Variants in TYW1B observed in about 807,000 individuals in gnomAD.
The protein encoded by TYW1B is tRNA-yW synthesizing protein 1 homolog B.
TYW1B carries 73 observed loss-of-function variants against 86.9 expected under a neutral mutation model. The ratio of observed to expected loss-of-function variants is 0.84; its 90% CI spans 0.70 to 1.02. TYW1B has a LOEUF of 1.02. Among genes scored for constraint, TYW1B ranks in the 50% least tolerant of loss-of-function variants. The pLI is 0.00. For missense variants in TYW1B, 637 were observed against 827.4 expected, an observed-to-expected ratio of 0.77 and a Z score of 2.82; for synonymous variants, 248 against 292.8, an observed-to-expected ratio of 0.85 and a Z score of 1.56.
intron 6 of TYW1B, among the ~76,000 whole-genome samples, chr7:72,797,490 T>C (rs1554474661): frequency 6.6e-6 from 1 of 152,130 alleles, no homozygotes; most frequent in African/African-American, 2.4e-5. Flanking sequence ...TTCTGATCTG[T>C]GGCCTTTATA....
chr7:72,766,985 A>G (rs1554468567), intron 7 of TYW1B, among the ~76,000 whole-genome samples: 1 of 152,160 alleles, frequency 6.6e-6, no homozygotes, highest in East Asian at 1.9e-4. Context: ...CTTTCTGAAA[A>G]AGATCTTGAT....
chr7:72,631,418 G>A (rs1267079005), intron 11 of TYW1B, among the ~76,000 whole-genome samples: 6 of 152,102 alleles, frequency 3.9e-5, no homozygotes, highest in African/African-American at 1.4e-4. Context: ...GGAAGCTGAG[G>A]CAAGAGAATT....
At chr7:72,664,012 T>A (rs1168014061) in intron 11 of TYW1B, among the ~76,000 whole-genome samples, 1 of 151,992 alleles carries the variant, frequency 6.6e-6, no homozygotes. Flanking sequence ...CTCTTACATC[T>A]TCTTTTCTAC....
At chr7:72,822,197 A>T (rs1407081266) in intron 2 of TYW1B, among the ~76,000 whole-genome samples, 1 of 150,884 alleles carries the variant, frequency 6.6e-6, no homozygotes, top group Non-Finnish European at 1.5e-5. Flanking sequence ...AGAAGAAGAA[A>T]AAAGAAGAAT....
chr7:72,591,933 C>A (rs1406007324), intron 13 of TYW1B, among the ~76,000 whole-genome samples: 2 of 151,862 alleles, frequency 1.3e-5, no homozygotes, highest in Non-Finnish European at 2.9e-5. Context: ...AAGGAATTCT[C>A]GTGCCTCAGC....
chr7:72,715,579 G>C (rs1474437364), intron 9 of TYW1B, among the ~76,000 whole-genome samples: 1 of 151,898 alleles, frequency 6.6e-6, no homozygotes, highest in African/African-American at 2.4e-5. Context: ...CACACACTGG[G>C]GCCTATCAGA....
chr7:72,787,462 C>CA (rs11314409), intron 6 of TYW1B, among the ~76,000 whole-genome samples: 96,750 of 146,084 alleles, frequency 0.66, 32,455 homozygotes, highest in Middle Eastern at 0.75. Context: ...GACTCCATCT[C>CA]AAAAAAAAAA....
At chr7:72,580,290 C>T (rs1468834330) in intron 13 of TYW1B, among the ~76,000 whole-genome samples, 1 of 152,174 alleles carries the variant, frequency 6.6e-6, no homozygotes, top group Non-Finnish European at 1.5e-5. Context: ...AAGAGCAAAA[C>T]TTGGTATGAC....
chr7:72,577,302 G>T (rs1350526058), intron 13 of TYW1B, among the ~76,000 whole-genome samples: 2 of 152,036 alleles, frequency 1.3e-5, no homozygotes, highest in Admixed American at 6.6e-5. Flanking sequence ...AGCTTTCTAG[G>T]GGGAAAATGC....
chr7:72,577,968 T>C lies in TYW1B; in HGVS notation c.1786-2249A>G, dbSNP rs114047134. ...GTTTTCTGGCCACAGGACCTCACTG[T>C]CCTGAACTTCCACAGACACTATAAT... is the stretch of plus-strand genomic sequence containing the variant. On this transcript the variant is annotated intron_variant, in intron 13 of 13. Transcript: ENST00000620995. 6.9e-3 allele frequency among the ~76,000 whole-genome samples: 1,056 copies of C among 152,282 alleles called. 17 individuals are homozygous for C. The highest frequency in any genetic ancestry group is 0.025 in the African/African-American group (1,030 of 41,554).
intron 11 of TYW1B, among the ~76,000 whole-genome samples, chr7:72,688,684 G>A (rs1423403887): frequency 4.6e-5 from 7 of 152,066 alleles, no homozygotes; most frequent in Admixed American, 2.6e-4. Flanking sequence ...ACTACAATCC[G>A]TTGCTAAAGA....
Position 72,682,804 on chromosome 7 carries a change from G to A in TYW1B, c.1506+11883C>T, listed in dbSNP as rs1410515527. 2.9e-4 allele frequency among the ~76,000 whole-genome samples: 44 copies of A among 152,232 alleles called. 1 individual carries two copies. The highest frequency in any genetic ancestry group is 4.6e-4 in the Non-Finnish European group (31 of 68,016). ...AGCAGAAACCTCCACAGAGACCAGC[G>A]CCAACACAGGGAAACTGAACTGTAA... On this transcript the variant is annotated intron_variant, in intron 11 of 13. Coordinates refer to ENST00000620995, the MANE Select transcript of TYW1B (RefSeq NM_001145440.3).
Position 72,779,173 on chromosome 7 carries a change from AGCCCCCAGGTGAAT to A in TYW1B, c.847-1654_847-1641del, listed in dbSNP as rs1554471205. ...GTCTATTTTAAATGTCCAGCCATCC[AGCCCCCAGGTGAAT>A]AAGTGAATGGACTCACTGTAACACC... On this transcript the variant is annotated intron_variant, in intron 6 of 13. Coordinates refer to ENST00000620995, the MANE Select transcript of TYW1B (RefSeq NM_001145440.3). Among the ~76,000 whole-genome samples the A allele has an allele frequency of 2.6e-5, 4 of 152,214 alleles. No individual in the cohort carries two copies. In the East Asian group the frequency reaches 7.7e-4, roughly 29 times the overall value.
chr7:72,815,475 CA>C lies in TYW1B; in HGVS notation c.141del (p.Phe47LeufsTer21). On this transcript the variant is annotated frameshift_variant, in exon 3 of 14. Coordinates refer to ENST00000620995, the MANE Select transcript of TYW1B (RefSeq NM_001145440.3). LOFTEE classifies it high-confidence loss of function. ...CVQIVIEMQG[F>X]ATVLAEAVTS... ...GTAACTGCTTCAGCAAGAACTGTTGCAAATCCCTAATAGGACAAAAAAAAAC... is the reference window on the plus strand; with the variant it reads ...GTAACTGCTTCAGCAAGAACTGTTGCAATCCCTAATAGGACAAAAAAAAAC... The C allele has an allele frequency of 6.2e-7, 1 of 1,606,310 alleles. No homozygotes were observed. The highest frequency in any genetic ancestry group is 8.5e-7 in the Non-Finnish European group (1 of 1,178,182).
chr7:72,677,154 C>T (rs1813755206), intron 11 of TYW1B, among the ~76,000 whole-genome samples: 1 of 152,130 alleles, frequency 6.6e-6, no homozygotes, highest in Admixed American at 6.5e-5. Context: ...TTCATTGATT[C>T]ATTCATTCAT....
chr7:72,610,083 C>A (rs1427601746), intron 13 of TYW1B, among the ~76,000 whole-genome samples: 2 of 152,202 alleles, frequency 1.3e-5, no homozygotes, highest in Non-Finnish European at 2.9e-5. Context: ...CTGTGTCACA[C>A]TTCTTTCAAT....
chr7:72,688,638 A>G (rs1325502126), intron 11 of TYW1B, among the ~76,000 whole-genome samples: 1 of 152,080 alleles, frequency 6.6e-6, no homozygotes, highest in African/African-American at 2.4e-5. Flanking sequence ...TTCTTTAGGC[A>G]CTTCTTGGGT....
chr7:72,599,558 A>G (rs1811609470), intron 13 of TYW1B, among the ~76,000 whole-genome samples: 1 of 152,184 alleles, frequency 6.6e-6, no homozygotes, highest in Admixed American at 6.5e-5. Flanking sequence ...AAAGGAAATA[A>G]AAGATATACA....
intron 8 of TYW1B, among the ~76,000 whole-genome samples, chr7:72,744,210 T>G (rs1234888903): frequency 6.6e-6 from 1 of 152,156 alleles, no homozygotes; most frequent in African/African-American, 2.4e-5. Context: ...TCACTATTTA[T>G]CGATAATCAC....
Sources: allele counts gnomAD v4.1 joint callset (sites outside exome capture counted in the v4.1 genomes callset), GRCh38; gene constraint gnomAD v4.1.1; transcripts MANE v1.5; gene names NCBI Gene and HGNC (gene_info 2026-07-23, HGNC 2026-07-21).